Variants in ATP13A1 observed in about 807,000 individuals in gnomAD.
ATP13A1 encodes ATPase 13A1.
In ATP13A1, 55 loss-of-function variants were observed where a neutral mutation model predicts 134.8. The ratio of observed to expected loss-of-function variants is 0.41; its 90% confidence interval spans 0.33 to 0.51. ATP13A1 has a LOEUF of 0.51. Among genes scored for constraint, ATP13A1 ranks in the 20% least tolerant of loss-of-function variants. The probability of loss-of-function intolerance (pLI) is 0.29; values close to 1 mark genes in which losing one functional copy is unlikely to be tolerated. For missense variants in ATP13A1, 1,389 were observed against 1,652.8 expected (o/e 0.84, Z 2.77); for synonymous variants, 775 against 725.1 (o/e 1.07, Z -1.10).
chr19:19,645,518 A>G lies in ATP13A1; in HGVS notation c.3519T>C (p.Ile1173=), dbSNP rs904676768. The G allele has an allele frequency of 3.6e-5, 57 of 1,603,212 alleles. No individual in the cohort carries two copies. The highest frequency in any genetic ancestry group is 4.5e-5 in the Non-Finnish European group (53 of 1,175,178). ...VDIPVEFKLV[I]AQVLLLDFCL... is the part of the protein sequence containing the mutation. The stretch of plus-strand genomic sequence containing the variant: ...AGAAGTCCAGGAGCAGGACCTGGGC[A>G]ATGACCAGCTTGAACTGTCGGGGCA... Residue 1173 remains isoleucine, a synonymous_variant, in exon 26 of 26, where the codon ATT becomes ATC. Transcript: ENST00000357324. The surrounding 1 kb of genome is among the most constrained non-coding windows in gnomAD (Gnocchi z 4.1).
Position 19,657,537 on chromosome 19 carries a change from G to A in ATP13A1, c.678-129C>T, listed in dbSNP as rs45573133. 2,843 of 932,546 alleles carry A rather than the reference G, an allele frequency of 3.0e-3. 9 individuals carry two copies. The highest frequency in any genetic ancestry group is 3.9e-3 in the Non-Finnish European group (2,521 of 652,486). 57.8% of individuals were successfully genotyped at this position (932,546 alleles called of 1,614,324 possible). A position where few individuals can be genotyped will look rare whatever the true frequency, so the allele number is the denominator to read the frequency against. ...AACCAAGAGCCATATGTGGGCGTCG[G>A]GAGCCCTGGCGAGCTTCCAGATAGG... On this transcript the variant is annotated intron_variant, in intron 3 of 25. Transcript: ENST00000357324.
In ATP13A1 at chr19:19,656,230, C is replaced by A. The variant is rs1383063798; in HGVS notation, c.1084-47G>T. On this transcript the variant is annotated intron_variant, in intron 7 of 25. Transcript: ENST00000357324. This position sits in a 1 kb window ranked among gnomAD's most constrained non-coding sequence, Gnocchi z 4.6. Reference sequence around the variant, plus strand: ...CTGGATGGCCAGGCCTACCTTGCTTCCTTCTCCATCTGAGTTCCTGGACAG... The same window carrying A: ...CTGGATGGCCAGGCCTACCTTGCTTACTTCTCCATCTGAGTTCCTGGACAG... The A allele has an allele frequency of 6.4e-7, 1 of 1,556,686 alleles. No homozygotes were observed. Among genetic ancestry groups the A allele is most frequent in the Non-Finnish European group, 8.7e-7 (1 of 1,150,448 alleles).
At chr19:19,650,009 T>TC in intron 17 of ATP13A1, 69 bp from the exon 18 acceptor site, 1 of 1,399,706 alleles carries the variant, frequency 7.1e-7, no homozygotes, top group Non-Finnish European at 9.7e-7. Context: ...CTCCCTCCAC[T>TC]CGGACCCCAG....
chr19:19,647,760 C>T lies in ATP13A1; in HGVS notation c.2633-1G>A. ...GGGGCATTGGCCAAGAGCGCCACACCTGGGGGGCAGGAGGGTGTCAGACCC... is the reference window on the plus strand; with the variant it reads ...GGGGCATTGGCCAAGAGCGCCACACTTGGGGGGCAGGAGGGTGTCAGACCC... On this transcript the variant is annotated splice_acceptor_variant, in intron 19 of 25. Transcript: ENST00000357324. LOFTEE classifies it high-confidence loss of function. The surrounding 1 kb of genome is among the most constrained non-coding windows in gnomAD (Gnocchi z 4.8). The T allele has an allele frequency of 6.3e-7, 1 of 1,592,044 alleles. No individual in the cohort carries two copies.
At chr19:19,652,132 C>A (rs1037216170) in intron 16 of ATP13A1, among the ~76,000 whole-genome samples, 13 of 152,258 alleles carry the variant, frequency 8.5e-5, no homozygotes, top group African/African-American at 3.1e-4. Flanking sequence ...GACCTCTGGG[C>A]TTGGTGGGGA....
In ATP13A1 at chr19:19,647,882, C is replaced by G. The variant is rs1013843257; in HGVS notation, c.2633-123G>C. Reference sequence around the variant, plus strand: ...TCCCGTGAGGACAGTTCCCAGACTTCCCCATTTCACCTGACACCCTAAGGA... The same window carrying G: ...TCCCGTGAGGACAGTTCCCAGACTTGCCCATTTCACCTGACACCCTAAGGA... On this transcript the variant is annotated intron_variant, in intron 19 of 25. Coordinates refer to ENST00000357324, the MANE Select transcript of ATP13A1 (RefSeq NM_020410.3). The surrounding 1 kb of genome is among the most constrained non-coding windows in gnomAD (Gnocchi z 4.8). 1.1e-5 allele frequency: 13 copies of G among 1,235,612 alleles called. No homozygotes were observed. The highest frequency in any genetic ancestry group is 2.8e-4 in the Middle Eastern group (1 of 3,562). 76.5% of individuals were successfully genotyped at this position (1,235,612 alleles called of 1,614,324 possible).
Position 19,651,754 on chromosome 19 carries a change from A to T in ATP13A1, c.2270T>A (p.Val757Glu). Residue 757 changes from valine (V) to glutamate (E), a missense_variant, in exon 17 of 26, where the codon GTG (valine) becomes GAG (glutamate). By Grantham distance (121) the Val-to-Glu change is moderately radical (BLOSUM62 -2). Around this residue, in one of 4 missense-constraint regions of ATP13A1, gnomAD observed 747 missense variants for 956.1 expected, o/e 0.78. Transcript: ENST00000357324. Reference protein sequence around the residue: ...TGDNPLTACHVAQELHFIEKA... With the variant: ...TGDNPLTACHEAQELHFIEKA... ...TTCAATGAAGTGCAGCTCCTGGGCCACGTGGCATGCAGTGAGCGGGTTGTC... is the reference window on the plus strand; with the variant it reads ...TTCAATGAAGTGCAGCTCCTGGGCCTCGTGGCATGCAGTGAGCGGGTTGTC... 6.2e-7 allele frequency: 1 copy of T among 1,613,354 alleles called. No individual in the cohort carries two copies. Among genetic ancestry groups the T allele is most frequent in the Non-Finnish European group, 8.5e-7 (1 of 1,179,622 alleles).
chr19:19,656,625 G>T lies in ATP13A1; in HGVS notation c.1083+35C>A. On this transcript the variant is annotated intron_variant, in intron 7 of 25. Transcript: ENST00000357324. The surrounding 1 kb of genome is among the most constrained non-coding windows in gnomAD (Gnocchi z 4.6). ...TCCACCTCCTGGCCTGTTTCCTCCT[G>T]AACAGCTTGAGGATCCCCATCCTCC... 1 of 1,598,794 alleles carries T rather than the reference G, an allele frequency of 6.3e-7. No homozygotes were observed. Among genetic ancestry groups the T allele is most frequent in the Non-Finnish European group, 8.5e-7 (1 of 1,171,930 alleles).
At position 19,654,707 on chromosome 19, in the gene ATP13A1, G is replaced by A. The variant is rs777599371; in HGVS notation, c.1656-7C>T. The A allele has an allele frequency of 6.2e-7, 1 of 1,608,854 alleles. No individual in the cohort carries two copies. On this transcript the variant is annotated splice_polypyrimidine_tract_variant and splice_region_variant and intron_variant, in intron 12 of 25. Coordinates refer to ENST00000357324, the MANE Select transcript of ATP13A1 (RefSeq NM_020410.3). ...GGTCACCTCCTTCCCGTCTCTGCAA[G>A]GTCGGGGAACAGCTGGTTACAGAGT...
chr19:19,655,141 C>A lies in ATP13A1; in HGVS notation c.1633G>T (p.Val545Leu), dbSNP rs753771074. 2 of 1,613,886 alleles carry A rather than the reference C, an allele frequency of 1.2e-6. No individual in the cohort carries two copies. Among genetic ancestry groups the A allele is most frequent in the African/African-American group, 2.7e-5 (2 of 74,940 alleles). The change falls in exon 12 of 26, where the codon GTG (valine) becomes TTG (leucine). Residue 545 changes from valine (V) to leucine (L), a missense_variant. Coordinates refer to ENST00000357324, the MANE Select transcript of ATP13A1 (RefSeq NM_020410.3). This position sits in a 1 kb window ranked among gnomAD's most constrained non-coding sequence, Gnocchi z 5.7. ...TGTLTSDSLVVRGVAGLRDGK... is the reference protein window; with the variant it reads ...TGTLTSDSLVLRGVAGLRDGK... The stretch of plus-strand genomic sequence containing the variant: ...TACCTCAGCCCGGCCACACCGCGCA[C>A]CACCAGGCTGTCACTGGTCAACGTC...
In ATP13A1 at chr19:19,656,718, C is replaced by G; in HGVS notation, c.1025G>C (p.Arg342Pro). 1 of 1,613,800 alleles carries G rather than the reference C, an allele frequency of 6.2e-7. No individual in the cohort carries two copies. Among genetic ancestry groups the G allele is most frequent in the Non-Finnish European group, 8.5e-7 (1 of 1,179,870 alleles). The change falls in exon 7 of 26, where the codon CGA becomes CCA. Residue 342 changes from arginine to proline, a missense_variant. Arg to Pro is a moderately radical substitution (Grantham distance 103). This residue lies in a region of ATP13A1 where 747 missense variants were observed against 956.1 expected (regional missense o/e 0.78). Transcript: ENST00000357324. This position sits in a 1 kb window ranked among gnomAD's most constrained non-coding sequence, Gnocchi z 4.6. Reference sequence around the variant, plus strand: ...GGCCTCGTCTACGATGCAGCGGCCTCGCAGCAGAAGCACGTCACATGGCAC... The same window carrying G: ...GGCCTCGTCTACGATGCAGCGGCCTGGCAGCAGAAGCACGTCACATGGCAC... The part of the protein sequence containing the change: ...NLVPCDVLLL[R>P]GRCIVDEAML...
rs148441405 is a variant in ATP13A1 at position 19,656,491 on chromosome 19, ACCT to A, written c.1083+166_1083+168del. Among the ~76,000 whole-genome samples the A allele has an allele frequency of 5.5e-3, 836 of 150,760 alleles. 12 individuals carry two copies. Among genetic ancestry groups the A allele is most frequent in the African/African-American group, 0.019 (788 of 41,002 alleles). On this transcript the variant is annotated intron_variant, in intron 7 of 25. Coordinates refer to ENST00000357324, the MANE Select transcript of ATP13A1 (RefSeq NM_020410.3). This position sits in a 1 kb window ranked among gnomAD's most constrained non-coding sequence, Gnocchi z 4.6. Reference sequence around the variant, plus strand: ...TACCCTGGATGCCCTTGGCTCTCTCACCTCCTTCCTCGCCCCCACCACCCGGCT... The same window carrying A: ...TACCCTGGATGCCCTTGGCTCTCTCACCTTCCTCGCCCCCACCACCCGGCT...
chr19:19,651,409 G>T, intron 17 of ATP13A1: 1 of 311,694 alleles, frequency 3.2e-6, no homozygotes, highest in Non-Finnish European at 6.0e-6. Context: ...GGTAGGAGCA[G>T]TATCTGCCCA....
rs1438762757 is a variant in ATP13A1, at chr19:19,649,761, G to A, written c.2515C>T (p.Arg839Cys). Residue 839 changes from arginine (R) to cysteine (C), a missense_variant, in exon 18 of 26, where the codon CGT becomes TGT. Around this residue, in one of 4 missense-constraint regions of ATP13A1, gnomAD observed 747 missense variants for 956.1 expected, o/e 0.78. Coordinates refer to ENST00000357324, the MANE Select transcript of ATP13A1 (RefSeq NM_020410.3). Reference protein sequence around the residue: ...RLIPHVQVFARVAPKQKEFVI... With the variant: ...RLIPHVQVFACVAPKQKEFVI... ...CATACCTTCTGCTTGGGAGCCACAC[G>A]GGCGAACACCTGCACATGGGGGATG... 12 of 1,600,756 alleles carry A rather than the reference G, an allele frequency of 7.5e-6. No homozygotes were observed. The highest frequency in any genetic ancestry group is 1.3e-5 in the African/African-American group (1 of 74,814).
Position 19,659,759 on chromosome 19 carries a change from T to A in ATP13A1, c.519A>T (p.Glu173Asp). The change falls in exon 3 of 26, where the codon GAA (glutamate) becomes GAT (aspartate). Residue 173 changes from glutamate (E) to aspartate (D), a missense_variant. Transcript: ENST00000357324. ...GEDGLEVLSFEFQKIKYSYDA... is the reference protein window; with the variant it reads ...GEDGLEVLSFDFQKIKYSYDA... Reference sequence around the variant, plus strand: ...CGTAGGAATACTTGATCTTCTGGAATTCGAAGGACAGCACCTCAAGCCCGT... The same window carrying A: ...CGTAGGAATACTTGATCTTCTGGAAATCGAAGGACAGCACCTCAAGCCCGT... The A allele has an allele frequency of 6.2e-7, 1 of 1,613,914 alleles. No individual in the cohort carries two copies. Among genetic ancestry groups the A allele is most frequent in the Admixed American group, 1.7e-5 (1 of 60,018 alleles).
At chr19:19,662,170 T>C (rs2062099039) in intron 1 of ATP13A1, 4 of 1,550,898 alleles carry the variant, frequency 2.6e-6, no homozygotes, top group Admixed American at 3.9e-5. Context: ...AAAAGGCAGC[T>C]GAAGTTTGAG....
Position 19,663,461 on chromosome 19 carries a change from G to A in ATP13A1, c.206C>T (p.Pro69Leu), listed in dbSNP as rs569062092. ...LALLRRLTVL[P>L]FAGLLYPAWL... ...GGCCGGGTAAAGCAGCCCGGCGAATGGCAGCACCGTGAGGCGCCGCAACAG... is the reference window on the plus strand; with the variant it reads ...GGCCGGGTAAAGCAGCCCGGCGAATAGCAGCACCGTGAGGCGCCGCAACAG... Residue 69 changes from proline to leucine, a missense_variant, in exon 1 of 26, where the codon CCA becomes CTA. Around this residue, in one of 4 missense-constraint regions of ATP13A1, gnomAD observed 293 missense variants for 270.8 expected, o/e 1.08. Coordinates refer to ENST00000357324, the MANE Select transcript of ATP13A1 (RefSeq NM_020410.3). The A allele has an allele frequency of 6.5e-7, 1 of 1,546,660 alleles. No individual in the cohort carries two copies. The highest frequency in any genetic ancestry group is 2.4e-5 in the East Asian group (1 of 41,208).
Position 19,647,702 on chromosome 19 carries a change from CG to C in ATP13A1, c.2689del (p.Arg897GlyfsTer6). ...ACTGTTGCTCAGGGTTGGGCTGTCC[CG>C]GGGCCGCCGTCGCCGCTCGACAACC... ...ERVVERRRRP[R>X]DSPTLSNSGI... On this transcript the variant is annotated frameshift_variant, in exon 20 of 26. Transcript: ENST00000357324. LOFTEE classifies it high-confidence loss of function. The surrounding 1 kb of genome is among the most constrained non-coding windows in gnomAD (Gnocchi z 4.8). 1 of 1,610,428 alleles carries C rather than the reference CG, an allele frequency of 6.2e-7. No individual in the cohort carries two copies.
At position 19,663,465 on chromosome 19, in the gene ATP13A1, G is replaced by C; in HGVS notation, c.202C>G (p.Leu68Val). Residue 68 changes from leucine (L) to valine (V), a missense_variant, in exon 1 of 26, where the codon CTG (leucine) becomes GTG (valine). Transcript: ENST00000357324. ...GGGTAAAGCAGCCCGGCGAATGGCA[G>C]CACCGTGAGGCGCCGCAACAGCGCC... ...RLALLRRLTV[L>V]PFAGLLYPAW... 1 of 1,542,106 alleles carries C rather than the reference G, an allele frequency of 6.5e-7. No individual in the cohort carries two copies. The highest frequency in any genetic ancestry group is 8.7e-7 in the Non-Finnish European group (1 of 1,147,764).
Sources: allele counts gnomAD v4.1 joint callset (sites outside exome capture counted in the v4.1 genomes callset), GRCh38; gene constraint gnomAD v4.1.1; regional missense constraint gnomAD v4.1.1; non-coding constraint Gnocchi (gnomAD v3.1); transcripts MANE v1.5; gene names NCBI Gene and HGNC (gene_info 2026-07-23, HGNC 2026-07-21).